HCCS: variants seen among roughly 807,000 people sequenced by gnomAD.
The protein encoded by HCCS is holocytochrome c synthase.
HCCS carries 2 observed loss-of-function variants against 24.2 expected under a neutral mutation model. The observed-to-expected ratio is 0.08, with a 90% CI of 0.03 to 0.26. The LOEUF (loss-of-function observed/expected upper bound fraction) is 0.26. HCCS is among the 10% of genes least tolerant of loss of function. The probability of loss-of-function intolerance (pLI) is 1.00; values close to 1 mark genes in which losing one functional copy is unlikely to be tolerated. For synonymous variants in HCCS, 73 were observed against 76.2 expected (o/e 0.96, Z 0.22); for missense variants, 150 against 213.3 (o/e 0.70, Z 1.85).
chrX:11,121,517 G>A, intron 6 of HCCS, 95 bp from the exon 7 acceptor site: 1 of 680,226 alleles, frequency 1.5e-6, no homozygotes, highest in Middle Eastern at 2.9e-4. Flanking sequence ...TTGGGAGCAG[G>A]TGTTTGCATG....
intron 3 of HCCS, among the ~76,000 whole-genome samples, chrX:11,116,746 A>G (rs2045450961): frequency 8.9e-6 from 1 of 112,459 alleles, no homozygotes; most frequent in Non-Finnish European, 1.9e-5. Flanking sequence ...GGGAGAAGGG[A>G]TTCTTCCCAC....
intron 5 of HCCS, among the ~76,000 whole-genome samples, chrX:11,120,492 C>A (rs2045483585): frequency 8.9e-6 from 1 of 112,122 alleles, no homozygotes; most frequent in Non-Finnish European, 1.9e-5. Context: ...AAAGGCTGTT[C>A]ATTGGTTTGA....
chrX:11,121,253 T>G (rs983655313), intron 6 of HCCS, among the ~76,000 whole-genome samples: 14 of 112,817 alleles, frequency 1.2e-4, no homozygotes, highest in Non-Finnish European at 3.7e-5. Context: ...CTTCCCGTGA[T>G]CTGTGTCTTT....
intron 2 of HCCS, among the ~76,000 whole-genome samples, chrX:11,113,578 G>GCTCCTGTTCTGAGTGTC (rs1195084082): frequency 3.6e-5 from 4 of 112,103 alleles, no homozygotes; most frequent in African/African-American, 1.3e-4. Flanking sequence ...AAGCAGGTGT[G>GCTCCTGTTCTGAGTGTC]CTCCTGTTCT....
chrX:11,111,943 AAGGGTTG>A (rs2045410946), intron 1 of HCCS, 69 bp from the exon 2 acceptor site: 1 of 575,272 alleles, frequency 1.7e-6, no homozygotes, highest in Admixed American at 2.5e-5. Flanking sequence ...GAGGAGGAAC[AAGGGTTG>A]ACCAGATTAG....
intron 1 of HCCS, 132 bp from the exon 2 acceptor site, chrX:11,111,887 C>T: frequency 4.1e-6 from 2 of 482,225 alleles, no homozygotes; most frequent in Non-Finnish European, 3.7e-6. Flanking sequence ...TAAAGCTGTC[C>T]TTCGAAGTTA....
At chrX:11,121,051 T>G in intron 6 of HCCS, 58 bp downstream of exon 6, 5 of 922,438 alleles carry the variant, frequency 5.4e-6, no homozygotes, top group Non-Finnish European at 7.9e-6. Context: ...CAACTTTCTC[T>G]TCACACCAAA....
At position 11,122,936 on chromosome X, in the gene HCCS, A is replaced by G. The variant is rs2147254803; in HGVS notation, c.*1126A>G. 9.0e-6 allele frequency: 1 copy of G among 110,996 alleles called. No homozygotes were observed. The highest frequency in any genetic ancestry group is 2.8e-4 in the East Asian group (1 of 3,545). 9.1% of individuals were successfully genotyped at this position (110,996 alleles called of 1,213,427 possible). ...ATCCTGAATGCTGTAGTGTTAAATT[A>G]GTGGATGAAATTGGCAGTCTGTGGG... On this transcript the variant is annotated 3_prime_UTR_variant, in exon 7 of 7. Coordinates refer to ENST00000380762, the MANE Select transcript of HCCS (RefSeq NM_005333.5).
chrX:11,118,625 G>GT lies in HCCS; in HGVS notation c.521+6dup. On this transcript the variant is annotated splice_donor_region_variant and intron_variant, in intron 5 of 6. Coordinates refer to ENST00000380762, the MANE Select transcript of HCCS (RefSeq NM_005333.5). ...GTGGGAAGCCCTTCATGCTGCGTAAGTATGTTTGAGATCTTAAATGTTTCA... is the reference window on the plus strand; with the variant it reads ...GTGGGAAGCCCTTCATGCTGCGTAAGTTATGTTTGAGATCTTAAATGTTTCA... 1.7e-6 allele frequency: 2 copies of GT among 1,205,256 alleles called. No individual in the cohort carries two copies. The highest frequency in any genetic ancestry group is 3.5e-5 in the African/African-American group (2 of 57,691).
chrX:11,121,711 G>A lies in HCCS; in HGVS notation c.708G>A (p.Lys236=). 1 of 1,206,956 alleles carries A rather than the reference G, an allele frequency of 8.3e-7. No homozygotes were observed. Among genetic ancestry groups the A allele is most frequent in the South Asian group, 1.8e-5 (1 of 56,893 alleles). The part of the protein sequence containing the change: ...IDYYDGGEVN[K]DYQFTILDVR... ...ATTATGATGGTGGTGAAGTCAACAA[G>A]GACTACCAGTTCACCATCCTGGACG... Residue 236 remains lysine (K), a synonymous_variant, in exon 7 of 7, where the codon AAG becomes AAA. Coordinates refer to ENST00000380762, the MANE Select transcript of HCCS (RefSeq NM_005333.5).
At chrX:11,114,726 TC>T (rs1489609977) in intron 2 of HCCS, 108 bp from the exon 3 acceptor site, 1 of 693,922 alleles carries the variant, frequency 1.4e-6, no homozygotes, top group African/African-American at 2.1e-5. Flanking sequence ...ACCTGGCTTT[TC>T]CTATGGTGGT....
At chrX:11,120,537 T>C (rs2045483902) in intron 5 of HCCS, among the ~76,000 whole-genome samples, 1 of 111,914 alleles carries the variant, frequency 8.9e-6, no homozygotes, top group South Asian at 3.7e-4. Context: ...CTTGTTTGTC[T>C]GAAAAACCCC....
intron 5 of HCCS, among the ~76,000 whole-genome samples, chrX:11,119,560 A>G (rs957238539): frequency 4.4e-5 from 5 of 112,804 alleles, no homozygotes; most frequent in Non-Finnish European, 9.4e-5. Context: ...GTGGTTTTAA[A>G]TTCATTGCAC....
In HCCS at chrX:11,112,024, A is replaced by G; in HGVS notation, c.-37A>G. On this transcript the variant is annotated 5_prime_UTR_variant, in exon 2 of 7. Transcript: ENST00000380762. ...CTGTCTCTTTGTTTTGGCAGGTGGA[A>G]ATTTAAAATTGTTTACAGTCAACAC... 1 of 1,026,809 alleles carries G rather than the reference A, an allele frequency of 9.7e-7. No individual in the cohort carries two copies. The highest frequency in any genetic ancestry group is 1.4e-6 in the Non-Finnish European group (1 of 727,184). 84.6% of individuals were successfully genotyped at this position (1,026,809 alleles called of 1,213,427 possible). A position where few individuals can be genotyped will look rare whatever the true frequency, so the allele number is the denominator to read the frequency against.
chrX:11,113,988 G>A (rs1283084031), intron 2 of HCCS, among the ~76,000 whole-genome samples: 2 of 112,318 alleles, frequency 1.8e-5, no homozygotes, highest in African/African-American at 6.5e-5. Flanking sequence ...CATTACATGA[G>A]CAGCTGTCTT....
rs776845161 is a variant in HCCS at position 11,120,540 on chromosome X, A to G, written c.522-367A>G. Among the ~76,000 whole-genome samples, 16 of 111,750 alleles carry G rather than the reference A, an allele frequency of 1.4e-4. No homozygotes were observed. In the South Asian group the frequency reaches 6.0e-3, roughly 42 times the overall value. On this transcript the variant is annotated intron_variant, in intron 5 of 6. Coordinates refer to ENST00000380762, the MANE Select transcript of HCCS (RefSeq NM_005333.5). ...GTATAGGATTTTCTTGTTTGTCTGAAAAACCCCAGCTGCTCTGTGCCAAAA... is the reference window on the plus strand; with the variant it reads ...GTATAGGATTTTCTTGTTTGTCTGAGAAACCCCAGCTGCTCTGTGCCAAAA...
In HCCS at chrX:11,111,393, T is replaced by C. The variant is rs1010003695; in HGVS notation, c.-168T>C. 5 of 162,553 alleles carry C rather than the reference T, an allele frequency of 3.1e-5. No homozygotes were observed. The highest frequency in any genetic ancestry group is 5.8e-5 in the Non-Finnish European group (5 of 85,964). The allele number at this position is 162,553 out of a possible 1,213,427, so 13.4% of individuals were successfully genotyped here. A position where few individuals can be genotyped will look rare whatever the true frequency, so the allele number is the denominator to read the frequency against. On this transcript the variant is annotated 5_prime_UTR_variant, in exon 1 of 7. Transcript: ENST00000380762. ...GGCGGCGGCGGCGTGAAGTCACTGC[T>C]GCTCTGGGTTCGGGTTGGCGACTGA...
chrX:11,120,207 G>A (rs890987098), intron 5 of HCCS, among the ~76,000 whole-genome samples: 3 of 111,457 alleles, frequency 2.7e-5, no homozygotes, highest in South Asian at 7.7e-4. Context: ...CCTCTGTCTC[G>A]GTAACAGCTG....
intron 3 of HCCS, among the ~76,000 whole-genome samples, chrX:11,115,839 C>G (rs961748885): frequency 9.0e-6 from 1 of 111,702 alleles, no homozygotes; most frequent in East Asian, 2.8e-4. Context: ...TTCTGTGGGC[C>G]GTAGGGTCTC....
Sources: allele counts gnomAD v4.1 joint callset (sites outside exome capture counted in the v4.1 genomes callset), GRCh38; gene constraint gnomAD v4.1.1; transcripts MANE v1.5; gene names NCBI Gene and HGNC (gene_info 2026-07-23, HGNC 2026-07-21).